AUTS2: variants seen among roughly 807,000 people sequenced by gnomAD.
AUTS2 encodes activator of transcription and developmental regulator AUTS2.
In AUTS2, 17 loss-of-function variants were observed where a neutral mutation model predicts 112.4. That is an observed-to-expected ratio of 0.15 (90% CI 0.10 to 0.23). The LOEUF (loss-of-function observed/expected upper bound fraction) is 0.23, where lower values mean the gene tolerates loss of function less well. Among genes scored for constraint, AUTS2 ranks in the 10% least tolerant of loss-of-function variants. The pLI is 1.00. For synonymous variants in AUTS2, 751 were observed against 702.7 expected (o/e 1.07, Z -1.09); for missense variants, 1,510 against 1,701.6 (o/e 0.89, Z 1.98).
intron 1 of AUTS2, among the ~76,000 whole-genome samples, chr7:69,777,479 T>C (rs1788945399): frequency 1.3e-5 from 2 of 152,190 alleles, no homozygotes; most frequent in South Asian, 4.1e-4. Flanking sequence ...CTTAAGCAGT[T>C]CCTGTGAATG....
chr7:69,852,252 G>A (rs940813868), intron 1 of AUTS2, among the ~76,000 whole-genome samples: 8 of 151,856 alleles, frequency 5.3e-5, no homozygotes, highest in African/African-American at 1.9e-4. Flanking sequence ...TTGCATCCCT[G>A]GAATAAATCC....
chr7:70,255,940 TAAC>T (rs1316349734), intron 4 of AUTS2, among the ~76,000 whole-genome samples: 2 of 152,234 alleles, frequency 1.3e-5, no homozygotes, highest in African/African-American at 4.8e-5. Flanking sequence ...TCCCTTTGTT[TAAC>T]AACGTTATTG....
At chr7:70,078,569 C>T (rs1229524621) in intron 2 of AUTS2, among the ~76,000 whole-genome samples, 1 of 152,174 alleles carries the variant, frequency 6.6e-6, no homozygotes, top group East Asian at 1.9e-4. Context: ...GCTCTACCTA[C>T]CTCATGTCTT....
At chr7:70,602,370 T>A (rs1803519943) in intron 5 of AUTS2, among the ~76,000 whole-genome samples, 2 of 152,184 alleles carry the variant, frequency 1.3e-5, no homozygotes, top group African/African-American at 4.8e-5. Flanking sequence ...CCTGGTACAT[T>A]GACACCTGAC....
At chr7:70,128,954 T>C (rs921325999) in intron 3 of AUTS2, among the ~76,000 whole-genome samples, 10 of 152,214 alleles carry the variant, frequency 6.6e-5, no homozygotes, top group Admixed American at 1.3e-4. Context: ...ACAGCAGCCA[T>C]TGGATTTACA....
At chr7:70,543,798 A>G (rs971616811) in intron 5 of AUTS2, among the ~76,000 whole-genome samples, 4 of 152,200 alleles carry the variant, frequency 2.6e-5, no homozygotes, top group African/African-American at 9.6e-5. Flanking sequence ...GGAGTTTTCT[A>G]ACAGGTATGG....
chr7:70,390,087 C>G (rs145720906), intron 4 of AUTS2, among the ~76,000 whole-genome samples: 1 of 152,206 alleles, frequency 6.6e-6, no homozygotes, highest in African/African-American at 2.4e-5. Flanking sequence ...GAGTTCACAA[C>G]AGCTCACACA....
chr7:69,783,801 C>T (rs941240390), intron 1 of AUTS2, among the ~76,000 whole-genome samples: 3 of 152,134 alleles, frequency 2.0e-5, no homozygotes, highest in African/African-American at 4.8e-5. Flanking sequence ...AATTTAAGAA[C>T]GGACTGTTTT....
intron 5 of AUTS2, among the ~76,000 whole-genome samples, chr7:70,674,984 AC>A (rs1807834744): frequency 1.3e-5 from 2 of 152,076 alleles, no homozygotes. Flanking sequence ...CTGGCATGTG[AC>A]TTGATGCACC....
chr7:69,749,036 T>C, intron 1 of AUTS2, among the ~76,000 whole-genome samples: 1 of 152,120 alleles, frequency 6.6e-6, no homozygotes. Context: ...ACCTTAGATA[T>C]CTCTGCGCCC....
intron 5 of AUTS2, among the ~76,000 whole-genome samples, chr7:70,488,594 T>G (rs1209664905): frequency 6.6e-6 from 1 of 152,140 alleles, no homozygotes; most frequent in African/African-American, 2.4e-5. Flanking sequence ...GGGCCTCTTT[T>G]TCCCAGCAAC....
chr7:69,842,905 A>G (rs1792041890), intron 1 of AUTS2, among the ~76,000 whole-genome samples: 1 of 152,100 alleles, frequency 6.6e-6, no homozygotes, highest in Non-Finnish European at 1.5e-5. Flanking sequence ...GACTTCCGAG[A>G]GGTATAAAAC....
intron 2 of AUTS2, among the ~76,000 whole-genome samples, chr7:69,987,576 C>G (rs1798564737): frequency 1.3e-5 from 2 of 152,154 alleles, no homozygotes; most frequent in African/African-American, 4.8e-5. Context: ...CAAGGGTCCT[C>G]CTGCCTCAGT....
intron 5 of AUTS2, among the ~76,000 whole-genome samples, chr7:70,461,482 C>T (rs1322578975): frequency 6.6e-6 from 1 of 152,140 alleles, no homozygotes; most frequent in African/African-American, 2.4e-5. Context: ...TGCGTTCCCA[C>T]CCAGGCTTCC....
intron 1 of AUTS2, among the ~76,000 whole-genome samples, chr7:69,759,203 T>C (rs952642529): frequency 6.6e-6 from 1 of 152,082 alleles, no homozygotes; most frequent in African/African-American, 2.4e-5. Context: ...GTACTGTGGT[T>C]GAGTATCTCT....
At chr7:70,471,925 C>T (rs757078183) in intron 5 of AUTS2, among the ~76,000 whole-genome samples, 1 of 151,800 alleles carries the variant, frequency 6.6e-6, no homozygotes, top group Non-Finnish European at 1.5e-5. Context: ...GCAGGCTGAC[C>T]GGGCCAGAGT....
chr7:70,084,895 T>C (rs1803513650), intron 2 of AUTS2, among the ~76,000 whole-genome samples: 1 of 152,096 alleles, frequency 6.6e-6, no homozygotes, highest in Non-Finnish European at 1.5e-5. Flanking sequence ...TTTTTAGAGA[T>C]AGGATCTTGC....
intron 4 of AUTS2, among the ~76,000 whole-genome samples, chr7:70,156,654 C>G (rs1186398718): frequency 6.6e-6 from 1 of 151,930 alleles, no homozygotes; most frequent in East Asian, 1.9e-4. Context: ...TCACCACTTC[C>G]AGTTATGTTC....
At chr7:70,497,020 CA>C (rs1798571724) in intron 5 of AUTS2, among the ~76,000 whole-genome samples, 1 of 122,902 alleles carries the variant, frequency 8.1e-6, no homozygotes, top group Non-Finnish European at 1.7e-5. Context: ...GTCAGACACA[CA>C]CACACACCCC....
Sources: gnomAD v4.1 joint callset for allele counts (sites outside exome capture counted in the v4.1 genomes callset) on GRCh38, gnomAD v4.1.1 for gene constraint, MANE v1.5 for transcripts, NCBI Gene and HGNC (gene_info 2026-07-23, HGNC 2026-07-21) for gene names.